The following NT5C2 variants were observed in gnomAD, a reference collection of about 807,000 sequenced individuals.
NT5C2 encodes the protein 5'-nucleotidase, cytosolic II, also known as cytosolic purine 5'-nucleotidase.
A neutral mutation model predicts 76.1 loss-of-function variants in NT5C2; 58 were observed. The observed-to-expected ratio is 0.76, with a 90% CI of 0.62 to 0.95. NT5C2 has a LOEUF of 0.95. Ranked by LOEUF, NT5C2 falls within the 40% of genes least tolerant of loss-of-function variation. The probability of loss-of-function intolerance (pLI) is 0.00; values close to 1 mark genes in which losing one functional copy is unlikely to be tolerated. For missense variants in NT5C2, 478 were observed against 690.3 expected (o/e 0.69, Z 3.45); for synonymous variants, 229 against 237.4 (o/e 0.96, Z 0.32).
intron 4 of NT5C2, among the ~76,000 whole-genome samples, chr10:103,132,456 T>C (rs1591284429): frequency 1.3e-5 from 2 of 152,184 alleles, no homozygotes; most frequent in African/African-American, 4.8e-5. Flanking sequence ...GTTTTTATAA[T>C]TGTACTATGG....
chr10:103,108,614 T>C (rs1453970211), intron 4 of NT5C2, among the ~76,000 whole-genome samples: 1 of 152,236 alleles, frequency 6.6e-6, no homozygotes, highest in Admixed American at 6.5e-5. Flanking sequence ...TTCTTGTACC[T>C]TTAAAACTTA....
At chr10:103,126,741 T>G (rs1225721907) in intron 4 of NT5C2, among the ~76,000 whole-genome samples, 4 of 152,258 alleles carry the variant, frequency 2.6e-5, no homozygotes, top group African/African-American at 9.6e-5. Context: ...TCATCTGTAC[T>G]CGACAGACAA....
At chr10:103,183,262 G>GATACATATATATATATATAT in intron 1 of NT5C2, among the ~76,000 whole-genome samples, 2 of 73,344 alleles carry the variant, frequency 2.7e-5, no homozygotes, top group Non-Finnish European at 4.7e-5. Flanking sequence ...GTGTGTGTGT[G>GATACATATATATATATATAT]ATATATATAT....
intron 4 of NT5C2, among the ~76,000 whole-genome samples, chr10:103,128,814 G>A (rs2077251947): frequency 2.1e-5 from 1 of 46,516 alleles, no homozygotes; most frequent in African/African-American, 8.7e-5. Flanking sequence ...GAGAAGTGAG[G>A]AGACCCTCTG....
intron 4 of NT5C2, among the ~76,000 whole-genome samples, chr10:103,115,453 C>T (rs530545110): frequency 6.6e-6 from 1 of 152,118 alleles, no homozygotes; most frequent in Non-Finnish European, 1.5e-5. Context: ...AAAAATTCAT[C>T]TTAATAACTT....
chr10:103,114,005 G>A (rs2073711045), intron 4 of NT5C2, among the ~76,000 whole-genome samples: 1 of 152,342 alleles, frequency 6.6e-6, no homozygotes, highest in East Asian at 1.9e-4. Context: ...TTGTCTAGAG[G>A]AGGAAGTGGC....
chr10:103,101,502 TTTTTAA>T (rs1424451414), intron 6 of NT5C2, among the ~76,000 whole-genome samples, 176 bp from the exon 7 acceptor site: 6 of 145,194 alleles, frequency 4.1e-5, no homozygotes, highest in Admixed American at 2.1e-4. Flanking sequence ...CTCTTTATTT[TTTTTAA>T]TTTTAATTTT....
At chr10:103,104,464 C>A (rs1435912782) in intron 6 of NT5C2, among the ~76,000 whole-genome samples, 3 of 152,198 alleles carry the variant, frequency 2.0e-5, no homozygotes, top group African/African-American at 7.2e-5. Context: ...ATGACAATAT[C>A]TGTGTATAAA....
At chr10:103,125,944 G>A (rs922657564) in intron 4 of NT5C2, among the ~76,000 whole-genome samples, 1 of 152,146 alleles carries the variant, frequency 6.6e-6, no homozygotes, top group Non-Finnish European at 1.5e-5. Context: ...TCTGTCCCAG[G>A]TCCAAAGACC....
At chr10:103,153,096 G>A (rs1389417150) in intron 3 of NT5C2, among the ~76,000 whole-genome samples, 2 of 152,136 alleles carry the variant, frequency 1.3e-5, no homozygotes, top group African/African-American at 4.8e-5. Context: ...ACTCAGTGCT[G>A]TCTTTCAAAA....
At chr10:103,133,285 G>A (rs1376120547) in intron 4 of NT5C2, among the ~76,000 whole-genome samples, 2 of 148,110 alleles carry the variant, frequency 1.4e-5, no homozygotes, top group African/African-American at 4.9e-5. Context: ...TTTTTTTTTT[G>A]AAATGGAGTT....
intron 4 of NT5C2, among the ~76,000 whole-genome samples, chr10:103,123,413 A>G (rs1232218432): frequency 6.6e-6 from 1 of 152,058 alleles, no homozygotes; most frequent in Non-Finnish European, 1.5e-5. Flanking sequence ...TGTAGAGATG[A>G]GGTCTCACTA....
intron 5 of NT5C2, 82 bp downstream of exon 5, chr10:103,106,507 G>A (rs2071311775): frequency 1.2e-6 from 1 of 865,624 alleles, no homozygotes; most frequent in Admixed American, 2.0e-5. Flanking sequence ...TTTTGTTAAG[G>A]ATAAATCTGG....
Position 103,089,490 on chromosome 10 carries a change from G to A in NT5C2, c.*182C>T. The A allele has an allele frequency of 1.8e-6, 2 of 1,086,322 alleles. No individual in the cohort carries two copies. The highest frequency in any genetic ancestry group is 2.5e-6 in the Non-Finnish European group (2 of 799,466). The allele number at this position is 1,086,322 out of a possible 1,614,324, so 67.3% of individuals were successfully genotyped here. The stretch of plus-strand genomic sequence containing the variant: ...ATTACAATTTTGGACCATCTGCAGA[G>A]AGTACAGATACACAAAACCAAAACA... On this transcript the variant is annotated 3_prime_UTR_variant, in exon 19 of 19. Transcript: ENST00000404739.
At chr10:103,192,298 G>A (rs2092697999) in intron 1 of NT5C2, among the ~76,000 whole-genome samples, 1 of 152,082 alleles carries the variant, frequency 6.6e-6, no homozygotes, top group Non-Finnish European at 1.5e-5. Context: ...CCCTGTAATG[G>A]TGACTAGTCA....
chr10:103,124,409 C>T (rs2076292789), intron 4 of NT5C2, among the ~76,000 whole-genome samples: 1 of 152,154 alleles, frequency 6.6e-6, no homozygotes, highest in South Asian at 2.1e-4. Flanking sequence ...ATTAAATATT[C>T]CACTGCCATC....
At chr10:103,171,686 T>G (rs1239702405) in intron 3 of NT5C2, among the ~76,000 whole-genome samples, 1 of 152,144 alleles carries the variant, frequency 6.6e-6, no homozygotes, top group African/African-American at 2.4e-5. Flanking sequence ...CATTATCTAC[T>G]CCCAAGGACC....
intron 3 of NT5C2, among the ~76,000 whole-genome samples, chr10:103,172,469 G>C (rs1014010420): frequency 2.6e-5 from 4 of 151,578 alleles, no homozygotes; most frequent in Non-Finnish European, 5.9e-5. Context: ...GGAAGGTCTC[G>C]ATCTCCTGAC....
chr10:103,145,048 C>T (rs1468107256), intron 3 of NT5C2, among the ~76,000 whole-genome samples: 7 of 152,052 alleles, frequency 4.6e-5, no homozygotes, highest in South Asian at 2.1e-4. Flanking sequence ...TGAGGGGAGG[C>T]GCAGTGTGGA....
Sources: allele counts gnomAD v4.1 joint callset (sites outside exome capture counted in the v4.1 genomes callset), GRCh38; gene constraint gnomAD v4.1.1; transcripts MANE v1.5; gene names NCBI Gene and HGNC (gene_info 2026-07-23, HGNC 2026-07-21).